PNPLA2: variants seen among roughly 807,000 people sequenced by gnomAD.
PNPLA2 encodes patatin-like phospholipase domain-containing protein 2.
A neutral mutation model predicts 39.7 loss-of-function variants in PNPLA2; 28 were observed. The ratio of observed to expected loss-of-function variants is 0.70; its 90% confidence interval spans 0.52 to 0.97. PNPLA2 has a LOEUF of 0.97. PNPLA2 is among the 50% of genes least tolerant of loss of function. The pLI is 0.00. For synonymous variants in PNPLA2, 392 were observed against 321.1 expected (o/e 1.22, Z -2.36); for missense variants, 768 against 698.2 (o/e 1.10, Z -1.13).
At chr11:824,174 T>A in intron 8 of PNPLA2, 44 bp downstream of exon 8, 4 of 1,569,566 alleles carry the variant, frequency 2.5e-6, no homozygotes, top group Non-Finnish European at 3.5e-6. Context: ...GGGGACGGAC[T>A]TTGGGATCAT....
Position 819,906 on chromosome 11 carries a change from G to A in PNPLA2, c.187+1G>A. The A allele has an allele frequency of 7.3e-7, 1 of 1,373,872 alleles. No homozygotes were observed. The highest frequency in any genetic ancestry group is 9.4e-7 in the Non-Finnish European group (1 of 1,066,586). The allele number at this position is 1,373,872 out of a possible 1,614,324, so 85.1% of individuals were successfully genotyped here. On this transcript the variant is annotated splice_donor_variant, in intron 2 of 9. Coordinates refer to ENST00000336615, the MANE Select transcript of PNPLA2 (RefSeq NM_020376.4). LOFTEE classifies it high-confidence loss of function. ...GCGCTGGTCACCGGGGTCTGCCTGGGTGAGCGGGGCCGGGGGCGGCAGGCG... is the reference window on the plus strand; with the variant it reads ...GCGCTGGTCACCGGGGTCTGCCTGGATGAGCGGGGCCGGGGGCGGCAGGCG...
In PNPLA2 at chr11:822,461, T is replaced by C. The variant is rs777655405; in HGVS notation, c.551T>C (p.Val184Ala). The change falls in exon 5 of 10, where the codon GTG becomes GCG. Residue 184 changes from valine (V) to alanine (A), a missense_variant. Transcript: ENST00000336615. ...TATGAGCTTAAGAACACCATCACAG[T>C]GTCCCCCTTCTCGGGCGAGAGTGAC... ...PLYELKNTITVSPFSGESDIC... is the reference protein window; with the variant it reads ...PLYELKNTITASPFSGESDIC... 23 of 1,613,998 alleles carry C rather than the reference T, an allele frequency of 1.4e-5. No individual in the cohort carries two copies. Among genetic ancestry groups the C allele is most frequent in the Non-Finnish European group, 1.8e-5 (21 of 1,180,022 alleles).
In PNPLA2 at chr11:819,689, G is replaced by A; in HGVS notation, c.-30G>A. ...GGCTCACAGAGGCCTGGCCGCCCAC[G>A]GAACCCGGGGCCCGGCGGCCGCCGC... On this transcript the variant is annotated 5_prime_UTR_variant, in exon 2 of 10. Transcript: ENST00000336615. The A allele has an allele frequency of 2.0e-6, 3 of 1,471,554 alleles. No homozygotes were observed. The highest frequency in any genetic ancestry group is 1.5e-5 in the African/African-American group (1 of 68,210). 91.2% of individuals were successfully genotyped at this position (1,471,554 alleles called of 1,614,324 possible). A position where few individuals can be genotyped will look rare whatever the true frequency, so the allele number is the denominator to read the frequency against.
In PNPLA2 at chr11:823,778, G is replaced by C. The variant is rs1353502886; in HGVS notation, c.842G>C (p.Ser281Thr). 4 of 1,608,334 alleles carry C rather than the reference G, an allele frequency of 2.5e-6. No homozygotes were observed. Among genetic ancestry groups the C allele is most frequent in the South Asian group, 2.2e-5 (2 of 90,476 alleles). The change falls in exon 7 of 10, where the codon AGC becomes ACC. Residue 281 changes from serine to threonine, a missense_variant. Ser to Thr is a moderately conservative substitution (Grantham distance 58). Coordinates refer to ENST00000336615, the MANE Select transcript of PNPLA2 (RefSeq NM_020376.4). ...GPEDKDQAVE[S>T]AQAEDYSQLP... ...GAGGACAAGGACCAGGCAGTGGAGA[G>C]CGCCCAAGCGGAGGATTACTCGCAG...
At chr11:819,539 C>A (rs1590173446) in intron 1 of PNPLA2, 35 bp from the exon 2 acceptor site, 6 of 1,289,020 alleles carry the variant, frequency 4.7e-6, no homozygotes, top group Middle Eastern at 5.9e-4. Flanking sequence ...GTGAGTCCCA[C>A]ACTTAAAAGC....
Position 823,554 on chromosome 11 carries a change from T to C in PNPLA2, c.724T>C (p.Tyr242His), listed in dbSNP as rs761935205. The part of the protein sequence containing the change: ...LVLREMCKQG[Y>H]RDGLRFLQRN... ...GCTGCGAGAGATGTGCAAGCAGGGA[T>C]ACCGGGATGGCCTGCGCTTTCTGCA... The change falls in exon 6 of 10, where the codon TAC (tyrosine) becomes CAC (histidine). Residue 242 changes from tyrosine to histidine, a missense_variant. Transcript: ENST00000336615. 6.2e-7 allele frequency: 1 copy of C among 1,611,320 alleles called. No homozygotes were observed. The highest frequency in any genetic ancestry group is 8.5e-7 in the Non-Finnish European group (1 of 1,179,256).
In PNPLA2 at chr11:825,225, C is replaced by T. The variant is rs1845852099; in HGVS notation, c.*363C>T. The T allele has an allele frequency of 5.5e-6, 2 of 366,162 alleles. No homozygotes were observed. Among genetic ancestry groups the T allele is most frequent in the Admixed American group, 4.6e-5 (1 of 21,772 alleles). 22.7% of individuals were successfully genotyped at this position (366,162 alleles called of 1,614,324 possible). A position where few individuals can be genotyped will look rare whatever the true frequency, so the allele number is the denominator to read the frequency against. On this transcript the variant is annotated 3_prime_UTR_variant, in exon 10 of 10. Coordinates refer to ENST00000336615, the MANE Select transcript of PNPLA2 (RefSeq NM_020376.4). ...AATAAATGCTGCAGCCCAGCCTCTGCCCACTTTGTGTGTATGTGACCGCCT... is the reference window on the plus strand; with the variant it reads ...AATAAATGCTGCAGCCCAGCCTCTGTCCACTTTGTGTGTATGTGACCGCCT...
intron 2 of PNPLA2, chr11:821,351 C>T (rs1030755392): frequency 3.6e-6 from 2 of 549,538 alleles, no homozygotes; most frequent in Admixed American, 3.1e-5. Context: ...GCCTTGTCCC[C>T]TCTCCTGGGC....
In PNPLA2 at chr11:821,980, T is replaced by TCC. The variant is rs762604115; in HGVS notation, c.446_447dup (p.Val150ProfsTer107). 2.5e-6 allele frequency: 4 copies of TCC among 1,613,830 alleles called. No homozygotes were observed. Among genetic ancestry groups the TCC allele is most frequent in the Non-Finnish European group, 3.4e-6 (4 of 1,179,960 alleles). Reference sequence around the variant, plus strand: ...AAGGCCAATGTCTGCAGCGGTTTCATCCCCGTGTACTGTGGGCTCATCCCT... The same window carrying TCC: ...AAGGCCAATGTCTGCAGCGGTTTCATCCCCCCGTGTACTGTGGGCTCATCCCT... On this transcript the variant is annotated frameshift_variant, in exon 4 of 10. Transcript: ENST00000336615. LOFTEE classifies it high-confidence loss of function.
chr11:821,155 C>T (rs1245161790), intron 2 of PNPLA2: 3 of 225,176 alleles, frequency 1.3e-5, no homozygotes, highest in African/African-American at 6.9e-5. Context: ...GGTGCTTCCT[C>T]TTGGCTGCAG....
chr11:822,190 C>A, intron 4 of PNPLA2, 167 bp downstream of exon 4: 1 of 767,604 alleles, frequency 1.3e-6, no homozygotes, highest in Non-Finnish European at 2.2e-6. Context: ...GCTTCCTGGC[C>A]CCCCATCCCT....
At position 823,728 on chromosome 11, in the gene PNPLA2, G is replaced by GGCCCC; in HGVS notation, c.792_793insGCCCC (p.Pro265AlafsTer57). ...ACCGGCCCAACCCCTTGCTGGCGTT[G>GGCCCC]CCCCCCGCCCGCCCCCACGGCCCAG... On this transcript the variant is annotated frameshift_variant, in exon 7 of 10. Transcript: ENST00000336615. LOFTEE classifies it high-confidence loss of function. 6.3e-7 allele frequency: 1 copy of GGCCCC among 1,597,162 alleles called. No homozygotes were observed. Among genetic ancestry groups the GGCCCC allele is most frequent in the Non-Finnish European group, 8.6e-7 (1 of 1,168,746 alleles).
Position 819,884 on chromosome 11 carries a change from C to G in PNPLA2, c.166C>G (p.Leu56Val). The G allele has an allele frequency of 2.1e-6, 3 of 1,443,972 alleles. No homozygotes were observed. The highest frequency in any genetic ancestry group is 2.7e-6 in the Non-Finnish European group (3 of 1,098,822). 89.4% of individuals were successfully genotyped at this position (1,443,972 alleles called of 1,614,324 possible). Residue 56 changes from leucine to valine, a missense_variant, in exon 2 of 10, where the codon CTG becomes GTG. Physicochemically the swap from Leu to Val is conservative, Grantham distance 32 (BLOSUM62 1). Transcript: ENST00000336615. ...GGCCGGGGCGCTCACGGCCACGGCG[C>G]TGGTCACCGGGGTCTGCCTGGGTGA... ...ASAGALTATALVTGVCLGEAG... is the reference protein window; with the variant it reads ...ASAGALTATAVVTGVCLGEAG...
chr11:819,305 C>T (rs1346631043), intron 1 of PNPLA2: 3 of 529,742 alleles, frequency 5.7e-6, no homozygotes, highest in Admixed American at 1.3e-4. Context: ...GTGAGGCTTC[C>T]GGCCCCCAGG....
rs977049433 is a variant in PNPLA2 at position 824,740 on chromosome 11, G to A, written c.1393G>A (p.Ala465Thr). ...CGAAGCTCTGCGCATGCGCGCACCC[G>A]CCGACCCGGCTCCCGCCCCCGCGGA... ...PPEALRMRAP[A>T]DPAPAPADPA... is the part of the protein sequence containing the mutation. The change falls in exon 10 of 10, where the codon GCC (alanine) becomes ACC (threonine). Residue 465 changes from alanine to threonine, a missense_variant. Ala to Thr is a moderately conservative substitution (Grantham distance 58, BLOSUM62 0). Coordinates refer to ENST00000336615, the MANE Select transcript of PNPLA2 (RefSeq NM_020376.4). The A allele has an allele frequency of 1.3e-6, 2 of 1,576,240 alleles. No homozygotes were observed. Among genetic ancestry groups the A allele is most frequent in the African/African-American group, 1.3e-5 (1 of 74,264 alleles).
In PNPLA2 at chr11:819,751, G is replaced by A; in HGVS notation, c.33G>A (p.Ser11=). The change falls in exon 2 of 10, where the codon TCG becomes TCA. Residue 11 remains serine, a synonymous_variant. Transcript: ENST00000336615. ...CCCGCGAGAAGACGTGGAACATCTC[G>A]TTCGCGGGCTGCGGCTTCCTCGGCG... MFPREKTWNI[S]FAGCGFLGVY... 1 of 1,508,346 alleles carries A rather than the reference G, an allele frequency of 6.6e-7. No individual in the cohort carries two copies. The highest frequency in any genetic ancestry group is 1.2e-5 in the South Asian group (1 of 80,146). The allele number at this position is 1,508,346 out of a possible 1,614,324, so 93.4% of individuals were successfully genotyped here.
intron 2 of PNPLA2, among the ~76,000 whole-genome samples, 198 bp downstream of exon 2, chr11:820,103 G>T (rs376126496): frequency 4.6e-5 from 7 of 152,172 alleles, no homozygotes; most frequent in South Asian, 2.1e-4. Flanking sequence ...GTTTTGCTCC[G>T]AGGGTGCCCG....
At position 823,993 on chromosome 11, in the gene PNPLA2, C is replaced by T. The variant is rs777666219; in HGVS notation, c.920-5C>T. ...ACTGGCCGCCGACCTCCCGCCCACC[C>T]GCAGCCCTGCTGGAGGCCTGCGTGG... On this transcript the variant is annotated splice_region_variant and splice_polypyrimidine_tract_variant and intron_variant, in intron 7 of 9. Coordinates refer to ENST00000336615, the MANE Select transcript of PNPLA2 (RefSeq NM_020376.4). 5.0e-6 allele frequency: 8 copies of T among 1,602,616 alleles called. No individual in the cohort carries two copies. The Admixed American group carries it at 6.7e-5, about 13-fold the overall frequency.
chr11:823,535 A>G lies in PNPLA2; in HGVS notation c.705A>G (p.Arg235=). 6.2e-7 allele frequency: 1 copy of G among 1,608,660 alleles called. No individual in the cohort carries two copies. The highest frequency in any genetic ancestry group is 8.5e-7 in the Non-Finnish European group (1 of 1,178,044). The change falls in exon 6 of 10, where the codon CGA becomes CGG. Residue 235 remains arginine (R), a synonymous_variant. Coordinates refer to ENST00000336615, the MANE Select transcript of PNPLA2 (RefSeq NM_020376.4). ...ALFPPEPLVL[R]EMCKQGYRDG... ...AACCCTCCTCACTGCAGGTGCTGCGAGAGATGTGCAAGCAGGGATACCGGG... is the reference window on the plus strand; with the variant it reads ...AACCCTCCTCACTGCAGGTGCTGCGGGAGATGTGCAAGCAGGGATACCGGG...
Sources: gnomAD v4.1 joint callset for allele counts (sites outside exome capture counted in the v4.1 genomes callset) on GRCh38, gnomAD v4.1.1 for gene constraint, MANE v1.5 for transcripts, NCBI Gene and HGNC (gene_info 2026-07-23, HGNC 2026-07-21) for gene names.